The following NHSL1 variants were observed in gnomAD, a reference collection of about 807,000 sequenced individuals.
The protein encoded by NHSL1 is NHS like 1, also known as NHS-like protein 1.
In NHSL1, 48 loss-of-function variants were observed where a neutral mutation model predicts 95.0. That is an observed-to-expected ratio of 0.51 (90% CI 0.40 to 0.64). NHSL1 has a LOEUF of 0.64. Among genes scored for constraint, NHSL1 ranks in the 30% least tolerant of loss-of-function variants. The pLI is 0.00. For synonymous variants in NHSL1, 783 were observed against 833.9 expected (o/e 0.94, Z 1.05); for missense variants, 1,971 against 2,077.7 (o/e 0.95, Z 1.00).
intron 1 of NHSL1, among the ~76,000 whole-genome samples, chr6:138,623,250 G>A (rs1022093395): frequency 3.7e-4 from 57 of 152,322 alleles, no homozygotes; most frequent in African/African-American, 1.2e-3. Context: ...AGTAAAGTGA[G>A]GGTGGACAGG....
At chr6:138,569,245 A>ATGTGTGTGTG (rs58789555) in intron 1 of NHSL1, among the ~76,000 whole-genome samples, 3 of 147,404 alleles carry the variant, frequency 2.0e-5, no homozygotes, top group Admixed American at 6.8e-5. Context: ...TTGTGTGTAT[A>ATGTGTGTGTG]TGTGTGTGTG....
chr6:138,666,375 AG>A (rs1266151600), intron 1 of NHSL1, among the ~76,000 whole-genome samples: 2 of 152,146 alleles, frequency 1.3e-5, no homozygotes, highest in Non-Finnish European at 2.9e-5. Flanking sequence ...GCAGATCATG[AG>A]GTCAAGAGAT....
At chr6:138,441,062 C>T (rs1375477128) in intron 5 of NHSL1, among the ~76,000 whole-genome samples, 1 of 152,198 alleles carries the variant, frequency 6.6e-6, no homozygotes, top group Admixed American at 6.5e-5. Context: ...AAGGGCCTCA[C>T]ATGCACAAAT....
intron 1 of NHSL1, among the ~76,000 whole-genome samples, chr6:138,565,746 G>A (rs1226910766): frequency 7.2e-6 from 1 of 137,974 alleles, no homozygotes; most frequent in African/African-American, 3.2e-5. Flanking sequence ...GCAAAAGAGA[G>A]AGACCCCATC....
chr6:138,449,052 CAAAA>C (rs545496586), intron 3 of NHSL1, among the ~76,000 whole-genome samples: 18 of 88,434 alleles, frequency 2.0e-4, no homozygotes, highest in East Asian at 8.7e-4. Flanking sequence ...AATTCTGTCT[CAAAA>C]AAAAAAAAAA....
chr6:138,613,204 A>G (rs1413818535), intron 1 of NHSL1, among the ~76,000 whole-genome samples: 1 of 152,232 alleles, frequency 6.6e-6, no homozygotes, highest in Non-Finnish European at 1.5e-5. Flanking sequence ...GAACCAGCCT[A>G]TAACAAAGCC....
intron 2 of NHSL1, among the ~76,000 whole-genome samples, chr6:138,494,220 A>G (rs1780224807): frequency 6.6e-6 from 1 of 152,170 alleles, no homozygotes; most frequent in South Asian, 2.1e-4. Flanking sequence ...TTGTCTCCTC[A>G]GTATTTTCCA....
intron 1 of NHSL1, chr6:138,512,376 G>A (rs569424598): frequency 5.4e-5 from 24 of 448,220 alleles, no homozygotes; most frequent in East Asian, 2.1e-4. Flanking sequence ...TGGAGAACTC[G>A]TTCCGGCACG....
rs1209775746 is a variant in NHSL1 at position 138,650,266 on chromosome 6, G to C, written c.96+42210C>G. ...CCTGATGACACCCAGTGGAAAAGCA[G>C]GCTGGAGCCTTGGAAGAGCTGGCCC... On this transcript the variant is annotated intron_variant, in intron 1 of 3. Coordinates refer to the NHSL1 transcript ENST00000491526. 2.8e-5 allele frequency: 18 copies of C among 652,660 alleles called. 1 individual carries two copies. The highest frequency in any genetic ancestry group is 1.9e-4 in the South Asian group (13 of 69,390). The allele number at this position is 652,660 out of a possible 1,614,324, so 40.4% of individuals were successfully genotyped here. A position where few individuals can be genotyped will look rare whatever the true frequency, so the allele number is the denominator to read the frequency against.
chr6:138,552,114 G>A (rs780654628), intron 1 of NHSL1, among the ~76,000 whole-genome samples: 2 of 151,990 alleles, frequency 1.3e-5, no homozygotes, highest in Non-Finnish European at 2.9e-5. Context: ...GCTCTAATTC[G>A]CCATTTAAAA....
At position 138,561,587 on chromosome 6, in the gene NHSL1, AG is replaced by A. The variant is rs1272271703; in HGVS notation, c.202+10122del. On this transcript the variant is annotated intron_variant, in intron 1 of 6. Coordinates refer to the NHSL1 transcript ENST00000427025. ...GCCATTTTCACATTGACTTTGGGAAAGGGTCTCTCCTCAGTGTGAGTTACTC... is the reference window on the plus strand; with the variant it reads ...GCCATTTTCACATTGACTTTGGGAAAGGTCTCTCCTCAGTGTGAGTTACTC... 2.0e-5 allele frequency among the ~76,000 whole-genome samples: 3 copies of A among 152,292 alleles called. No individual in the cohort carries two copies. In the East Asian group the frequency reaches 5.8e-4, roughly 29 times the overall value.
intron 1 of NHSL1, among the ~76,000 whole-genome samples, chr6:138,645,020 G>A (rs1218761217): frequency 6.6e-6 from 1 of 152,200 alleles, no homozygotes; most frequent in Non-Finnish European, 1.5e-5. Flanking sequence ...TCTGGAACAA[G>A]AGTCATCTGT....
At chr6:138,485,982 A>T (rs1361713276) in intron 2 of NHSL1, among the ~76,000 whole-genome samples, 4 of 152,146 alleles carry the variant, frequency 2.6e-5, no homozygotes, top group Admixed American at 2.6e-4. Context: ...CTCCCACACC[A>T]TGTAATGAAC....
intron 7 of NHSL1, among the ~76,000 whole-genome samples, chr6:138,427,078 C>A (rs142029497): frequency 6.6e-6 from 1 of 152,344 alleles, no homozygotes; most frequent in East Asian, 1.9e-4. Flanking sequence ...CCCAAAGCAG[C>A]TCTGCTCATT....
At chr6:138,579,424 T>A (rs1192638857) in intron 1 of NHSL1, among the ~76,000 whole-genome samples, 1 of 152,198 alleles carries the variant, frequency 6.6e-6, no homozygotes, top group Non-Finnish European at 1.5e-5. Flanking sequence ...GTAAAATGTA[T>A]AAACTGGCAA....
intron 1 of NHSL1, among the ~76,000 whole-genome samples, chr6:138,520,045 T>C (rs149288415): frequency 9.9e-5 from 15 of 152,222 alleles, no homozygotes; most frequent in African/African-American, 3.4e-4. Context: ...AGTATACAAT[T>C]CATTATTGCC....
At chr6:138,479,503 G>T (rs998032523) in intron 2 of NHSL1, among the ~76,000 whole-genome samples, 6 of 152,192 alleles carry the variant, frequency 3.9e-5, no homozygotes, top group African/African-American at 1.4e-4. Context: ...TCTGCAGCGT[G>T]GATCCGATGG....
intron 3 of NHSL1, among the ~76,000 whole-genome samples, chr6:138,460,142 T>C (rs901084660): frequency 5.3e-5 from 8 of 152,198 alleles, no homozygotes; most frequent in Non-Finnish European, 1.2e-4. Context: ...TTTAAAATCT[T>C]TGGTAGAAGA....
chr6:138,662,363 C>A (rs1322030915), intron 1 of NHSL1, among the ~76,000 whole-genome samples: 1 of 152,180 alleles, frequency 6.6e-6, no homozygotes, highest in Non-Finnish European at 1.5e-5. Flanking sequence ...TTTAACATTT[C>A]TTCTTAGAGG....
Sources: allele counts gnomAD v4.1 joint callset (sites outside exome capture counted in the v4.1 genomes callset), GRCh38; gene constraint gnomAD v4.1.1; transcripts MANE v1.5; gene names NCBI Gene and HGNC (gene_info 2026-07-23, HGNC 2026-07-21).